The following TTLL5 variants were observed in gnomAD, a reference collection of about 807,000 sequenced individuals.
TTLL5 encodes the protein tubulin tyrosine ligase like 5.
TTLL5 carries 132 observed loss-of-function variants against 168.4 expected under a neutral mutation model. The observed-to-expected ratio is 0.78, with a 90% CI of 0.68 to 0.91. The LOEUF is 0.91. Ranked by LOEUF, TTLL5 falls within the 40% of genes least tolerant of loss-of-function variation. The pLI is 0.00. For synonymous variants in TTLL5, 546 were observed against 558.6 expected (o/e 0.98, Z 0.32); for missense variants, 1,545 against 1,581.5 (o/e 0.98, Z 0.39).
intron 12 of TTLL5, among the ~76,000 whole-genome samples, chr14:75,721,824 C>T (rs557632805): frequency 1.3e-5 from 2 of 152,136 alleles, no homozygotes; most frequent in African/African-American, 4.8e-5. Flanking sequence ...AACAGATTAT[C>T]GTTAACAGGC....
intron 30 of TTLL5, chr14:75,887,125 T>A (rs2032162610): frequency 9.4e-7 from 1 of 1,068,664 alleles, no homozygotes; most frequent in Admixed American, 5.1e-5. Flanking sequence ...CCCAGGACAG[T>A]GGTGTCTGTT....
intron 30 of TTLL5, 45 bp downstream of exon 30, chr14:75,882,947 A>G (rs1319757360): frequency 6.3e-7 from 1 of 1,581,120 alleles, no homozygotes; most frequent in Non-Finnish European, 8.7e-7. Context: ...TATCAGTTCT[A>G]AGCTAATAGT....
At chr14:75,852,153 T>C (rs1041657590) in intron 28 of TTLL5, among the ~76,000 whole-genome samples, 3 of 152,160 alleles carry the variant, frequency 2.0e-5, no homozygotes, top group African/African-American at 7.2e-5. Flanking sequence ...CCTTGCAGGC[T>C]TGCGCTCGAT....
chr14:75,729,671 G>A (rs1013494560), intron 12 of TTLL5, among the ~76,000 whole-genome samples: 2 of 152,160 alleles, frequency 1.3e-5, no homozygotes, highest in African/African-American at 4.8e-5. Flanking sequence ...TTAAATGATA[G>A]TAGGTCCAAG....
intron 17 of TTLL5, among the ~76,000 whole-genome samples, chr14:75,747,163 G>A (rs1016349833): frequency 6.6e-6 from 1 of 151,226 alleles, no homozygotes; most frequent in Admixed American, 6.6e-5. Flanking sequence ...TTGTATTTCT[G>A]TGTGTCTCTA....
intron 3 of TTLL5, among the ~76,000 whole-genome samples, chr14:75,674,418 T>G (rs1000852280): frequency 1.1e-4 from 16 of 152,216 alleles, no homozygotes; most frequent in African/African-American, 3.9e-4. Context: ...CCCTGAGAAG[T>G]GTATCTGGGG....
intron 15 of TTLL5, chr14:75,737,689 T>G (rs1372620345): frequency 7.1e-7 from 1 of 1,402,392 alleles, no homozygotes; most frequent in Non-Finnish European, 9.6e-7. Flanking sequence ...TAGTTTTTCA[T>G]GGTACATATT....
At chr14:75,918,341 A>G (rs1448357616) in intron 31 of TTLL5, among the ~76,000 whole-genome samples, 2 of 152,136 alleles carry the variant, frequency 1.3e-5, no homozygotes, top group Non-Finnish European at 2.9e-5. Context: ...AATGATATAC[A>G]TCTACTGGTT....
At chr14:75,722,808 GTA>G (rs1887928901) in intron 12 of TTLL5, among the ~76,000 whole-genome samples, 1 of 152,114 alleles carries the variant, frequency 6.6e-6, no homozygotes, top group African/African-American at 2.4e-5. Flanking sequence ...GAGCTACCAT[GTA>G]AGCCCTCGCT....
chr14:75,726,209 C>T (rs1378926819), intron 12 of TTLL5, among the ~76,000 whole-genome samples: 1 of 152,130 alleles, frequency 6.6e-6, no homozygotes, highest in South Asian at 2.1e-4. Context: ...TTCCTCCTCT[C>T]TCCCTAAACT....
chr14:75,883,296 G>A (rs998053153), intron 30 of TTLL5, among the ~76,000 whole-genome samples: 1 of 152,234 alleles, frequency 6.6e-6, no homozygotes, highest in Non-Finnish European at 1.5e-5. Flanking sequence ...TAGCAACAGT[G>A]TTTTTAATAC....
intron 2 of TTLL5, among the ~76,000 whole-genome samples, chr14:75,667,986 C>T (rs959004418): frequency 2.0e-5 from 3 of 151,996 alleles, no homozygotes; most frequent in African/African-American, 7.2e-5. Context: ...GTCTCGATCT[C>T]TTGACCTCGT....
chr14:75,783,693 C>A (rs1307003889), intron 26 of TTLL5, among the ~76,000 whole-genome samples, 163 bp downstream of exon 26: 1 of 152,180 alleles, frequency 6.6e-6, no homozygotes, highest in Non-Finnish European at 1.5e-5. Flanking sequence ...GCATTGCATC[C>A]AGTAGCATGC....
At chr14:75,906,235 G>A (rs1420283924) in intron 31 of TTLL5, among the ~76,000 whole-genome samples, 1 of 152,092 alleles carries the variant, frequency 6.6e-6, no homozygotes, top group African/African-American at 2.4e-5. Flanking sequence ...CTATTTTCAT[G>A]ATCAGATTCT....
At chr14:75,882,492 A>G (rs576312139) in intron 29 of TTLL5, among the ~76,000 whole-genome samples, 193 bp from the exon 30 acceptor site, 3 of 152,158 alleles carry the variant, frequency 2.0e-5, no homozygotes, top group East Asian at 1.9e-4. Flanking sequence ...CATTTCAACA[A>G]TCTGCTTCAA....
intron 27 of TTLL5, among the ~76,000 whole-genome samples, chr14:75,797,476 A>G (rs370022552): frequency 2.0e-5 from 3 of 152,094 alleles, no homozygotes; most frequent in South Asian, 2.1e-4. Context: ...TGAAATGGGC[A>G]TTCTTGTCTT....
intron 5 of TTLL5, chr14:75,683,901 G>A: frequency 2.9e-6 from 1 of 347,668 alleles, no homozygotes; most frequent in South Asian, 2.5e-5. Context: ...AGCCTACCCA[G>A]TAGCTGGGAA....
At chr14:75,854,578 G>C (rs1300652138) in intron 28 of TTLL5, among the ~76,000 whole-genome samples, 2 of 152,116 alleles carry the variant, frequency 1.3e-5, no homozygotes, top group Non-Finnish European at 2.9e-5. Context: ...AACTTTATAA[G>C]AAACTGACCA....
chr14:75,699,414 G>A (rs1886098344), intron 7 of TTLL5, 144 bp downstream of exon 7: 5 of 755,978 alleles, frequency 6.6e-6, no homozygotes, highest in Non-Finnish European at 1.1e-5. Context: ...TTAAGCGTAG[G>A]TATAACTTGA....
Sources: allele counts gnomAD v4.1 joint callset (sites outside exome capture counted in the v4.1 genomes callset), GRCh38; gene constraint gnomAD v4.1.1; transcripts MANE v1.5; gene names NCBI Gene and HGNC (gene_info 2026-07-23, HGNC 2026-07-21).